Variants in NAALADL2 observed in about 807,000 individuals in gnomAD.
NAALADL2 encodes the protein inactive N-acetylated-alpha-linked acidic dipeptidase-like protein 2.
Under a neutral mutation model 87.2 loss-of-function variants are expected in NAALADL2, and 76 were observed. The observed-to-expected ratio is 0.87, with a 90% confidence interval of 0.72 to 1.05. The LOEUF is 1.05. Ranked by LOEUF, NAALADL2 falls within the 50% of genes least tolerant of loss-of-function variation. The pLI is 0.00. For missense variants in NAALADL2, 1,089 were observed against 945.8 expected (o/e 1.15, Z -1.99); for synonymous variants, 354 against 331.0 (o/e 1.07, Z -0.75).
chr3:174,619,485 C>T (rs1259159708), intron 2 of NAALADL2, among the ~76,000 whole-genome samples: 1 of 151,938 alleles, frequency 6.6e-6, no homozygotes, highest in Non-Finnish European at 1.5e-5. Flanking sequence ...AATGGAAATA[C>T]TGGCAGCCCC....
intron 2 of NAALADL2, among the ~76,000 whole-genome samples, chr3:174,670,817 G>A (rs1726459837): frequency 6.6e-6 from 1 of 151,974 alleles, no homozygotes; most frequent in Non-Finnish European, 1.5e-5. Flanking sequence ...CTGTGTCCCT[G>A]CCCAAATCTC....
intron 2 of NAALADL2, among the ~76,000 whole-genome samples, chr3:174,643,115 G>A (rs1359081397): frequency 6.6e-6 from 1 of 152,072 alleles, no homozygotes; most frequent in African/African-American, 2.4e-5. Context: ...AAAAGTGTTG[G>A]CTGATGACAC....
intron 2 of NAALADL2, among the ~76,000 whole-genome samples, chr3:175,170,139 A>G (rs995804756): frequency 2.0e-5 from 3 of 151,784 alleles, no homozygotes; most frequent in African/African-American, 7.2e-5. Context: ...TGAATTCCTA[A>G]TTCCCAAACT....
At chr3:174,781,863 C>T (rs1018750234) in intron 3 of NAALADL2, among the ~76,000 whole-genome samples, 6 of 152,010 alleles carry the variant, frequency 3.9e-5, no homozygotes, top group Admixed American at 1.3e-4. Flanking sequence ...CTGTAGCAGA[C>T]AGAGACTTTT....
In NAALADL2 at chr3:175,396,859, T is replaced by C. The variant is rs545877040; in HGVS notation, c.1091-50370T>C. On this transcript the variant is annotated intron_variant, in intron 5 of 13. Coordinates refer to ENST00000454872, the MANE Select transcript of NAALADL2 (RefSeq NM_207015.3). ...GCTGCCATGTGAAGAAGGACATGTTTGCTTCCCCTTCTGCCATTATTATAA... is the reference window on the plus strand; with the variant it reads ...GCTGCCATGTGAAGAAGGACATGTTCGCTTCCCCTTCTGCCATTATTATAA... Among the ~76,000 whole-genome samples the C allele has an allele frequency of 1.2e-4, 19 of 152,212 alleles. 1 individual carries two copies. The highest frequency in any genetic ancestry group is 3.6e-4 in the African/African-American group (15 of 41,550).
At chr3:175,617,342 A>G (rs528367054) in intron 10 of NAALADL2, among the ~76,000 whole-genome samples, 1 of 152,010 alleles carries the variant, frequency 6.6e-6, no homozygotes, top group South Asian at 2.1e-4. Flanking sequence ...GAGTGCTGGG[A>G]CCCATTTGGT....
chr3:174,508,114 G>GTTTTTTTTTTTTTTTTTTTT lies in NAALADL2; in HGVS notation c.-183-42438_-183-42437insTTTTTTTTTTTTTTTTTTTT, dbSNP rs1311325384. ...AATTTTAGCTATTGGATATCTAGTG[G>GTTTTTTTTTTTTTTTTTTTT]TTTTTTTTTTTTTTTTTGAGACGAA... On this transcript the variant is annotated intron_variant, in intron 1 of 3. Transcript: ENST00000434257. Among the ~76,000 whole-genome samples, 7 of 103,884 alleles carry GTTTTTTTTTTTTTTTTTTTT rather than the reference G, an allele frequency of 6.7e-5. 1 individual carries two copies. Among genetic ancestry groups the GTTTTTTTTTTTTTTTTTTTT allele is most frequent in the African/African-American group, 7.1e-5 (2 of 28,160 alleles). The allele number at this position is 103,884 out of a possible 152,430, so 68.2% of individuals were successfully genotyped here. A position where few individuals can be genotyped will look rare whatever the true frequency, so the allele number is the denominator to read the frequency against.
intron 12 of NAALADL2, among the ~76,000 whole-genome samples, chr3:175,743,640 G>C (rs936242137): frequency 1.3e-5 from 2 of 152,212 alleles, no homozygotes; most frequent in African/African-American, 4.8e-5. Context: ...ATAAAGTGAG[G>C]TTACGAAAGG....
chr3:174,773,355 T>C (rs528776200), intron 3 of NAALADL2, among the ~76,000 whole-genome samples: 2 of 152,308 alleles, frequency 1.3e-5, no homozygotes, highest in East Asian at 3.9e-4. Context: ...GGAAGCCTAG[T>C]GTATAATCAA....
At chr3:175,142,571 A>G (rs1310925280) in intron 2 of NAALADL2, among the ~76,000 whole-genome samples, 2 of 151,982 alleles carry the variant, frequency 1.3e-5, no homozygotes, top group African/African-American at 4.8e-5. Flanking sequence ...CTGCATCTAC[A>G]GCCCATCCTA....
chr3:174,814,668 G>A (rs1183672209), intron 3 of NAALADL2, among the ~76,000 whole-genome samples: 2 of 151,964 alleles, frequency 1.3e-5, no homozygotes, highest in African/African-American at 4.8e-5. Flanking sequence ...TCAAATTTAA[G>A]TACTACTATC....
chr3:174,989,027 T>G (rs1746358082), intron 1 of NAALADL2, among the ~76,000 whole-genome samples: 2 of 152,274 alleles, frequency 1.3e-5, no homozygotes, highest in East Asian at 3.9e-4. Context: ...GGAACTGATG[T>G]GTACAGACAT....
intron 5 of NAALADL2, among the ~76,000 whole-genome samples, chr3:175,408,320 G>A (rs949189488): frequency 6.6e-6 from 1 of 152,004 alleles, no homozygotes; most frequent in African/African-American, 2.4e-5. Flanking sequence ...TGATGAATAT[G>A]TTAATTAGCT....
At chr3:174,793,063 AC>A (rs1717653431) in intron 3 of NAALADL2, among the ~76,000 whole-genome samples, 1 of 152,168 alleles carries the variant, frequency 6.6e-6, no homozygotes, top group African/African-American at 2.4e-5. Context: ...GAACCACTGC[AC>A]TTAAAAGGTG....
intron 2 of NAALADL2, among the ~76,000 whole-genome samples, chr3:174,637,628 T>C (rs982782475): frequency 2.0e-5 from 3 of 152,086 alleles, no homozygotes; most frequent in African/African-American, 7.2e-5. Flanking sequence ...AGGAGAACAG[T>C]TAAATAATGG....
At chr3:175,466,469 T>G in intron 7 of NAALADL2, among the ~76,000 whole-genome samples, 1 of 152,160 alleles carries the variant, frequency 6.6e-6, no homozygotes, top group Non-Finnish European at 1.5e-5. Flanking sequence ...GAATTTTATT[T>G]TTTTTCTTCA....
At chr3:174,687,585 G>T (rs1479148805) in intron 2 of NAALADL2, among the ~76,000 whole-genome samples, 4 of 152,102 alleles carry the variant, frequency 2.6e-5, no homozygotes, top group Non-Finnish European at 5.9e-5. Context: ...ATGGTGAGAA[G>T]GGGGCAAAAA....
At chr3:175,240,698 C>T (rs1746699073) in intron 3 of NAALADL2, among the ~76,000 whole-genome samples, 1 of 152,176 alleles carries the variant, frequency 6.6e-6, no homozygotes. Context: ...TCTTGTTGCC[C>T]AGGCTGGAGT....
At chr3:175,533,791 G>A (rs1477394132) in intron 9 of NAALADL2, among the ~76,000 whole-genome samples, 2 of 152,250 alleles carry the variant, frequency 1.3e-5, no homozygotes, top group South Asian at 4.1e-4. Flanking sequence ...CAGGAGGTAA[G>A]ACTCTCACTC....
Sources: allele counts gnomAD v4.1 joint callset (sites outside exome capture counted in the v4.1 genomes callset), GRCh38; gene constraint gnomAD v4.1.1; transcripts MANE v1.5; gene names NCBI Gene and HGNC (gene_info 2026-07-23, HGNC 2026-07-21).